The following THSD4 variants were observed in gnomAD, a reference collection of about 807,000 sequenced individuals.
THSD4 encodes thrombospondin type-1 domain-containing protein 4.
THSD4 carries 69 observed loss-of-function variants against 119.0 expected under a neutral mutation model. The ratio of observed to expected loss-of-function variants is 0.58; its 90% CI spans 0.48 to 0.71. The LOEUF (loss-of-function observed/expected upper bound fraction) is 0.71. Ranked by LOEUF, THSD4 falls within the 30% of genes least tolerant of loss-of-function variation. The pLI, the probability that THSD4 is intolerant of heterozygous loss-of-function variation, is 0.00. For synonymous variants in THSD4, 524 were observed against 540.4 expected (o/e 0.97, Z 0.42); for missense variants, 1,393 against 1,391.1 (o/e 1.00, Z -0.02).
At chr15:71,596,290 C>T (rs891908551) in intron 7 of THSD4, among the ~76,000 whole-genome samples, 15 of 152,184 alleles carry the variant, frequency 9.9e-5, no homozygotes, top group Admixed American at 9.8e-4. Context: ...GGAACGCAGT[C>T]AGATTGTGAC....
chr15:71,747,052 C>G lies in THSD4; in HGVS notation c.2241+10C>G. The G allele has an allele frequency of 6.3e-7, 1 of 1,590,276 alleles. No individual in the cohort carries two copies. The highest frequency in any genetic ancestry group is 1.1e-5 in the South Asian group (1 of 88,432). On this transcript the variant is annotated intron_variant, in intron 13 of 17. Coordinates refer to ENST00000261862, the MANE Select transcript of THSD4 (RefSeq NM_024817.3). ...GACCGACTGGACCTCGGTACGCAGGCAGGGCAGCCCGCTCTGCAGCTCCCT... is the reference window on the plus strand; with the variant it reads ...GACCGACTGGACCTCGGTACGCAGGGAGGGCAGCCCGCTCTGCAGCTCCCT...
intron 5 of THSD4, among the ~76,000 whole-genome samples, chr15:71,255,281 G>T (rs1013138812): frequency 5.3e-5 from 8 of 152,174 alleles, no homozygotes; most frequent in Admixed American, 2.6e-4. Flanking sequence ...ACAGAGTATA[G>T]CTTGGGTTCA....
chr15:71,519,573 G>A lies in THSD4; in HGVS notation c.1152+107750G>A, dbSNP rs182270290. ...GACAGTGTTTCACCGTGTTGGCCAG[G>A]TTGGTCTCAAACTCCTGACCTCAAG... On this transcript the variant is annotated intron_variant, in intron 7 of 17. Transcript: ENST00000261862. Among the ~76,000 whole-genome samples, 803 of 152,314 alleles carry A rather than the reference G, an allele frequency of 5.3e-3. 10 individuals carry two copies. Among genetic ancestry groups the A allele is most frequent in the African/African-American group, 0.018 (767 of 41,566 alleles).
chr15:71,487,094 G>A (rs2047834151), intron 7 of THSD4, among the ~76,000 whole-genome samples: 1 of 152,152 alleles, frequency 6.6e-6, no homozygotes, highest in Admixed American at 6.5e-5. Context: ...GGGCTTATTG[G>A]GTTCTCACAC....
At chr15:71,608,951 A>G (rs1195914058) in intron 7 of THSD4, among the ~76,000 whole-genome samples, 2 of 152,222 alleles carry the variant, frequency 1.3e-5, no homozygotes, top group African/African-American at 2.4e-5. Context: ...GGCTAACTCA[A>G]GAGGACATCA....
chr15:71,147,096 C>T (rs1410998030), intron 2 of THSD4, among the ~76,000 whole-genome samples: 2 of 152,226 alleles, frequency 1.3e-5, no homozygotes, highest in Non-Finnish European at 2.9e-5. Flanking sequence ...CTGCTTTTTA[C>T]CATTGTCTTC....
At chr15:71,745,994 G>A (rs1478618828) in intron 12 of THSD4, among the ~76,000 whole-genome samples, 1 of 152,172 alleles carries the variant, frequency 6.6e-6, no homozygotes, top group Non-Finnish European at 1.5e-5. Context: ...AGAACAAGGG[G>A]AAAGGGCCCT....
intron 1 of THSD4, among the ~76,000 whole-genome samples, chr15:71,137,598 A>G (rs1461603625): frequency 6.6e-6 from 1 of 152,146 alleles, no homozygotes; most frequent in Admixed American, 6.5e-5. Flanking sequence ...TTCATGGCAG[A>G]CTCATGAGTG....
At chr15:71,202,793 G>A (rs968599088) in intron 3 of THSD4, among the ~76,000 whole-genome samples, 1 of 151,898 alleles carries the variant, frequency 6.6e-6, no homozygotes, top group East Asian at 1.9e-4. Flanking sequence ...TTGCGGGGAG[G>A]GGGTGGGCAT....
chr15:71,594,547 C>G (rs958211240), intron 7 of THSD4, among the ~76,000 whole-genome samples: 42 of 152,184 alleles, frequency 2.8e-4, no homozygotes, highest in South Asian at 1.5e-3. Context: ...CCAGGTGTGC[C>G]CAAATGATCC....
intron 6 of THSD4, among the ~76,000 whole-genome samples, chr15:71,400,726 C>A (rs2046518935): frequency 6.6e-6 from 1 of 152,074 alleles, no homozygotes; most frequent in Non-Finnish European, 1.5e-5. Flanking sequence ...ATTTACACTT[C>A]ACTCATCAGC....
At chr15:71,645,628 G>A (rs2050954549) in intron 7 of THSD4, among the ~76,000 whole-genome samples, 1 of 152,178 alleles carries the variant, frequency 6.6e-6, no homozygotes, top group Non-Finnish European at 1.5e-5. Context: ...TGAGCCACCA[G>A]AAGAAATAGG....
chr15:71,552,038 A>T (rs1241652640), intron 7 of THSD4, among the ~76,000 whole-genome samples: 1 of 138,562 alleles, frequency 7.2e-6, no homozygotes, highest in Non-Finnish European at 1.7e-5. Flanking sequence ...ATAAGTAAGC[A>T]CTTTAAGTGG....
At chr15:71,156,140 T>C (rs2040774884) in intron 3 of THSD4, among the ~76,000 whole-genome samples, 1 of 152,206 alleles carries the variant, frequency 6.6e-6, no homozygotes, top group African/African-American at 2.4e-5. Flanking sequence ...AGAAGCCCTT[T>C]CTGCTACCTA....
chr15:71,731,714 G>A (rs2141135646), intron 10 of THSD4: 1 of 169,326 alleles, frequency 5.9e-6, no homozygotes, highest in African/African-American at 2.4e-5. Context: ...GCCCAAGGAG[G>A]TTGGGGCTGC....
chr15:71,459,152 CTTTTTTTCTTTT>C (rs2047381082), intron 7 of THSD4, among the ~76,000 whole-genome samples: 2 of 140,858 alleles, frequency 1.4e-5, no homozygotes. Context: ...TTTTCATTTT[CTTTTTTTCTTTT>C]TTTTTTTTTT....
chr15:71,449,429 C>G (rs2047233147), intron 7 of THSD4, among the ~76,000 whole-genome samples: 1 of 152,152 alleles, frequency 6.6e-6, no homozygotes, highest in Non-Finnish European at 1.5e-5. Flanking sequence ...CACCTACTAA[C>G]TATTGTGTGG....
intron 7 of THSD4, among the ~76,000 whole-genome samples, chr15:71,479,582 A>C (rs934961245): frequency 6.6e-6 from 1 of 152,210 alleles, no homozygotes; most frequent in African/African-American, 2.4e-5. Flanking sequence ...TCATTAGTCG[A>C]TGGAATAAAC....
At chr15:71,329,347 C>T (rs764581381) in intron 6 of THSD4, among the ~76,000 whole-genome samples, 10 of 152,072 alleles carry the variant, frequency 6.6e-5, no homozygotes, top group Non-Finnish European at 1.3e-4. Flanking sequence ...GAGATGTCTG[C>T]GGCAGAATGT....
Sources: gnomAD v4.1 joint callset for allele counts (sites outside exome capture counted in the v4.1 genomes callset) on GRCh38, gnomAD v4.1.1 for gene constraint, MANE v1.5 for transcripts, NCBI Gene and HGNC (gene_info 2026-07-23, HGNC 2026-07-21) for gene names.